Variants in FGFR3 observed in about 807,000 individuals in gnomAD.
The protein encoded by FGFR3 is fibroblast growth factor receptor 3.
A neutral mutation model predicts 82.9 loss-of-function variants in FGFR3; 25 were observed. The observed-to-expected ratio is 0.30, with a 90% CI of 0.22 to 0.42. The LOEUF is 0.42. Ranked by LOEUF, FGFR3 falls within the 10% of genes least tolerant of loss-of-function variation. FGFR3 has a pLI of 1.00. For missense variants in FGFR3, 1,026 were observed against 1,161.0 expected, an observed-to-expected ratio of 0.88 and a Z score of 1.69; for synonymous variants, 620 against 516.0, an observed-to-expected ratio of 1.20 and a Z score of -2.73.
chr4:1,800,557 G>A (rs1205725262), intron 4 of FGFR3, among the ~76,000 whole-genome samples: 1 of 152,090 alleles, frequency 6.6e-6, no homozygotes, highest in African/African-American at 2.4e-5. Flanking sequence ...ACTCACCCTG[G>A]GGGTCTCCAG....
At chr4:1,797,773 G>C (rs1720691456) in intron 2 of FGFR3, among the ~76,000 whole-genome samples, 1 of 152,186 alleles carries the variant, frequency 6.6e-6, no homozygotes, top group Non-Finnish European at 1.5e-5. Context: ...GGTGGGGCGA[G>C]GGCTCCTTCG....
At chr4:1,806,746 G>C (rs113910209) in intron 16 of FGFR3, 63 bp downstream of exon 16, 51 of 1,597,854 alleles carry the variant, frequency 3.2e-5, no homozygotes, top group Non-Finnish European at 3.8e-5. Context: ...GGGGCTGGGC[G>C]GGGGAGGGAC....
rs367757357 is a variant in FGFR3, at chr4:1,807,151, C to G, written c.2310C>G (p.Tyr770Ter). 4 of 1,598,470 alleles carry G rather than the reference C, an allele frequency of 2.5e-6. No individual in the cohort carries two copies. The highest frequency in any genetic ancestry group is 3.4e-6 in the Non-Finnish European group (4 of 1,173,304). ...YLDLSAPFEQYSPGGQDTPSS... is the reference protein window; with the variant it reads ...YLDLSAPFEQ ...ACCTGTCGGCGCCTTTCGAGCAGTA[C>G]TCCCCGGGTGGCCAGGACACCCCCA... is the stretch of plus-strand genomic sequence containing the variant. The change falls in exon 18 of 18, where the codon TAC becomes TAG. Residue 770 changes from tyrosine (Y) to a stop codon, truncating the protein, a stop_gained. Transcript: ENST00000440486. LOFTEE classifies it low-confidence loss of function (END_TRUNC).
chr4:1,807,402 T>TGTGTGTGTGTGTGTGC lies in FGFR3; in HGVS notation c.*155_*156insCGTGTGTGTGTGTGTG, dbSNP rs34003391. The TGTGTGTGTGTGTGTGC allele has an allele frequency of 4.0e-4, 4 of 10,022 alleles. No individual in the cohort carries two copies. Among genetic ancestry groups the TGTGTGTGTGTGTGTGC allele is most frequent in the South Asian group, 4.3e-3 (1 of 230 alleles). 0.6% of individuals were successfully genotyped at this position (10,022 alleles called of 1,614,324 possible). ...TTTGGTCTGTGTGTGTGTGTGTGCG[T>TGTGTGTGTGTGTGTGC]GTGTGTGTGTGTGTGTGCACATCCG... On this transcript the variant is annotated 3_prime_UTR_variant, in exon 18 of 18. Transcript: ENST00000440486.
At position 1,806,672 on chromosome 4, in the gene FGFR3, C is replaced by A. The variant is rs745674688; in HGVS notation, c.2157C>A (p.Cys719Ter). 1 of 1,612,670 alleles carries A rather than the reference C, an allele frequency of 6.2e-7. No homozygotes were observed. Among genetic ancestry groups the A allele is most frequent in the Non-Finnish European group, 8.5e-7 (1 of 1,179,924 alleles). The change falls in exon 16 of 18, where the codon TGC becomes TGA. Residue 719 changes from cysteine to a stop codon, truncating the protein, a stop_gained. Coordinates refer to ENST00000440486, the MANE Select transcript of FGFR3 (RefSeq NM_000142.5). LOFTEE classifies it high-confidence loss of function. ...ACCGCATGGACAAGCCCGCCAACTG[C>A]ACACACGACCTGTGAGTGGCATCCC... The part of the protein sequence containing the change: ...EGHRMDKPAN[C>*]THDLYMIMRE...
rs1272818310 is a variant in FGFR3, at chr4:1,795,642, T to A, written c.109+1599T>A. Among the ~76,000 whole-genome samples, 3 of 152,236 alleles carry A rather than the reference T, an allele frequency of 2.0e-5. No individual in the cohort carries two copies. In the East Asian group the frequency reaches 5.8e-4, roughly 29 times the overall value. On this transcript the variant is annotated intron_variant, in intron 2 of 17. Coordinates refer to ENST00000440486, the MANE Select transcript of FGFR3 (RefSeq NM_000142.5). ...AGGGGTCAAGGGCGGTGGGAAAGGT[T>A]TTGGCCACTGGACTGCCCTGGCCAC...
intron 8 of FGFR3, 60 bp downstream of exon 8, chr4:1,803,896 C>T (rs1560428262): frequency 1.4e-5 from 21 of 1,548,622 alleles, no homozygotes; most frequent in Non-Finnish European, 8.0e-6. Flanking sequence ...GCTCGGGACA[C>T]GCCAAAGCTG....
rs920004923 is a variant in FGFR3, at chr4:1,807,893, G to GTA, written c.*638_*639dup. The GTA allele has an allele frequency of 1.8e-5, 7 of 387,578 alleles. No homozygotes were observed. The highest frequency in any genetic ancestry group is 1.4e-4 in the African/African-American group (7 of 49,458). 24.0% of individuals were successfully genotyped at this position (387,578 alleles called of 1,614,324 possible). On this transcript the variant is annotated 3_prime_UTR_variant, in exon 18 of 18. Transcript: ENST00000440486. ...TCTATAAATAGATGCTGTGTATATG[G>GTA]TATATATACATATATATATATAACA...
At chr4:1,797,031 A>G (rs1720595850) in intron 2 of FGFR3, among the ~76,000 whole-genome samples, 1 of 152,076 alleles carries the variant, frequency 6.6e-6, no homozygotes, top group Non-Finnish European at 1.5e-5. Context: ...GTGTTGTGGG[A>G]TCCATAGAAG....
chr4:1,795,660 C>T (rs1720420438), intron 2 of FGFR3, among the ~76,000 whole-genome samples: 1 of 152,214 alleles, frequency 6.6e-6, no homozygotes, highest in Non-Finnish European at 1.5e-5. Flanking sequence ...CTGGACTGCC[C>T]TGGCCACCCC....
intron 2 of FGFR3, among the ~76,000 whole-genome samples, chr4:1,798,397 G>A (rs1720775886): frequency 6.6e-6 from 1 of 152,000 alleles, no homozygotes; most frequent in Non-Finnish European, 1.5e-5. Flanking sequence ...CCCACTCCCC[G>A]GCCTGTGAGA....
chr4:1,805,325 C>A (rs975305434), intron 10 of FGFR3, 30 bp from the exon 11 acceptor site: 2 of 1,608,652 alleles, frequency 1.2e-6, no homozygotes, highest in African/African-American at 2.7e-5. Context: ...CGAGTTTGCA[C>A]ACTCATGGTC....
In FGFR3 at chr4:1,798,429, C is replaced by T. The variant is rs980499758; in HGVS notation, c.110-825C>T. ...GAGACCCACTTGGCCGGACCCAGCG[C>T]CGTGTTTGTACTTTGCTCTTCTCGG... is the stretch of plus-strand genomic sequence containing the variant. On this transcript the variant is annotated intron_variant, in intron 2 of 17. Transcript: ENST00000440486. 2.0e-5 allele frequency among the ~76,000 whole-genome samples: 3 copies of T among 152,166 alleles called. No individual in the cohort carries two copies. In the East Asian group the frequency reaches 5.8e-4, roughly 30 times the overall value.
intron 6 of FGFR3, 24 bp downstream of exon 6, chr4:1,801,767 G>C (rs2108782569): frequency 6.3e-7 from 1 of 1,592,760 alleles, no homozygotes; most frequent in Non-Finnish European, 8.5e-7. Context: ...GGCGGCGCGG[G>C]GGTGGGGGCG....
intron 4 of FGFR3, 91 bp from the exon 5 acceptor site, chr4:1,801,276 G>T: frequency 7.2e-7 from 1 of 1,391,718 alleles, no homozygotes; most frequent in African/African-American, 1.4e-5. Flanking sequence ...TGAGGCTGGG[G>T]ATGGGCAGGG....
At position 1,797,351 on chromosome 4, in the gene FGFR3, G is replaced by C. The variant is rs1328375155; in HGVS notation, c.110-1903G>C. ...GGTGCTCGCCACCCAGCCCCTGCTG[G>C]GGTACCCTGGCCTCTGCTGGCACCT... On this transcript the variant is annotated intron_variant, in intron 2 of 17. Transcript: ENST00000440486. Among the ~76,000 whole-genome samples the C allele has an allele frequency of 2.0e-5, 3 of 152,172 alleles. No individual in the cohort carries two copies. In the East Asian group the frequency reaches 5.8e-4, roughly 29 times the overall value.
At chr4:1,797,323 C>T (rs936811475) in intron 2 of FGFR3, among the ~76,000 whole-genome samples, 7 of 152,196 alleles carry the variant, frequency 4.6e-5, no homozygotes, top group Admixed American at 2.0e-4. Flanking sequence ...CTGTCCTTCA[C>T]CTGGTGCTCG....
chr4:1,807,438 T>C lies in FGFR3; in HGVS notation c.*176T>C. 1 of 996,628 alleles carries C rather than the reference T, an allele frequency of 1.0e-6. No homozygotes were observed. Among genetic ancestry groups the C allele is most frequent in the South Asian group, 1.4e-5 (1 of 72,682 alleles). The allele number at this position is 996,628 out of a possible 1,614,324, so 61.7% of individuals were successfully genotyped here. A position where few individuals can be genotyped will look rare whatever the true frequency, so the allele number is the denominator to read the frequency against. On this transcript the variant is annotated 3_prime_UTR_variant, in exon 18 of 18. Coordinates refer to ENST00000440486, the MANE Select transcript of FGFR3 (RefSeq NM_000142.5). ...GTGTGTGCACATCCGCGTGTGCCTG[T>C]GTGCGTGCGCATCTTGCCTCCAGGT... is the stretch of plus-strand genomic sequence containing the variant.
In FGFR3 at chr4:1,807,437, G is replaced by C. The variant is rs1239741757; in HGVS notation, c.*175G>C. The C allele has an allele frequency of 4.4e-5, 44 of 999,774 alleles. No individual in the cohort carries two copies. Among genetic ancestry groups the C allele is most frequent in the Non-Finnish European group, 5.9e-5 (39 of 658,042 alleles). 61.9% of individuals were successfully genotyped at this position (999,774 alleles called of 1,614,324 possible). ...TGTGTGTGCACATCCGCGTGTGCCT[G>C]TGTGCGTGCGCATCTTGCCTCCAGG... On this transcript the variant is annotated 3_prime_UTR_variant, in exon 18 of 18. Coordinates refer to ENST00000440486, the MANE Select transcript of FGFR3 (RefSeq NM_000142.5).
Sources: gnomAD v4.1 joint callset for allele counts (sites outside exome capture counted in the v4.1 genomes callset) on GRCh38, gnomAD v4.1.1 for gene constraint, MANE v1.5 for transcripts, NCBI Gene and HGNC (gene_info 2026-07-23, HGNC 2026-07-21) for gene names.